Variants in ROPN1L observed in about 807,000 individuals in gnomAD.
ROPN1L encodes ropporin-1-like protein.
Under a neutral mutation model 22.7 loss-of-function variants are expected in ROPN1L, and 23 were observed. The observed-to-expected ratio is 1.01, with a 90% CI of 0.73 to 1.43. The LOEUF (loss-of-function observed/expected upper bound fraction) is 1.43. ROPN1L is among the 40% of genes most tolerant of loss of function. The probability of loss-of-function intolerance (pLI) is 0.00; values close to 1 mark genes in which losing one functional copy is unlikely to be tolerated. For missense variants in ROPN1L, 271 were observed against 291.5 expected, an observed-to-expected ratio of 0.93 and a Z score of 0.51; for synonymous variants, 116 against 117.8, an observed-to-expected ratio of 0.98 and a Z score of 0.10.
At chr5:10,463,537 A>ATTGGGTGCT (rs1735084136) in intron 4 of ROPN1L, among the ~76,000 whole-genome samples, 1 of 152,154 alleles carries the variant, frequency 6.6e-6, no homozygotes, top group Non-Finnish European at 1.5e-5. Context: ...TCCAGCCCCA[A>ATTGGGTGCT]GGGAGATGGG....
chr5:10,472,377 C>CATCA (rs1396714953), downstream of ROPN1L, among the ~76,000 whole-genome samples: 1 of 152,216 alleles, frequency 6.6e-6, no homozygotes, highest in African/African-American at 2.4e-5. Context: ...AGGCTGGGCC[C>CATCA]ATCACAGTGC....
At chr5:10,466,168 C>T (rs1221383007), downstream of ROPN1L, among the ~76,000 whole-genome samples, 2 of 152,212 alleles carry the variant, frequency 1.3e-5, no homozygotes, top group Admixed American at 6.5e-5. Flanking sequence ...GGCTCAGGCC[C>T]TGGAGAAAAC....
intron 4 of ROPN1L, chr5:10,461,570 C>T: frequency 1.9e-6 from 1 of 523,990 alleles, no homozygotes; most frequent in Non-Finnish European, 3.4e-6. Flanking sequence ...GCTGTGCATT[C>T]TCATTCCGTC....
intron 3 of ROPN1L, among the ~76,000 whole-genome samples, chr5:10,452,293 GTGTGTGTGTGTGTGTGTGTGTC>G (rs1451938683): frequency 1.4e-5 from 2 of 142,648 alleles, no homozygotes; most frequent in Non-Finnish European, 3.0e-5. Context: ...GTATATGTGT[GTGTGTGTGTGTGTGTGTGTGTC>G]TGTGTGTGTG....
chr5:10,446,239 G>A (rs1741058882), intron 1 of ROPN1L, among the ~76,000 whole-genome samples: 3 of 152,200 alleles, frequency 2.0e-5, no homozygotes, highest in South Asian at 2.1e-4. Context: ...TTCCAGCCTC[G>A]GCCCTACTGA....
chr5:10,447,989 G>A (rs1579643347), intron 1 of ROPN1L, among the ~76,000 whole-genome samples: 1 of 152,194 alleles, frequency 6.6e-6, no homozygotes, highest in East Asian at 1.9e-4. Context: ...TTCTGCGAGT[G>A]CCAGCCACTG....
At chr5:10,455,196 C>T (rs1046796762) in intron 3 of ROPN1L, among the ~76,000 whole-genome samples, 1 of 152,164 alleles carries the variant, frequency 6.6e-6, no homozygotes, top group Admixed American at 6.5e-5. Context: ...CCTGTTGGTC[C>T]GATGTGACAG....
downstream of ROPN1L, among the ~76,000 whole-genome samples, chr5:10,476,575 C>T (rs114471103): frequency 7.1e-3 from 1,079 of 152,074 alleles, 10 homozygotes; most frequent in African/African-American, 0.024. Flanking sequence ...TGTGGAACAA[C>T]GATGAAAAGA....
intron 1 of ROPN1L, among the ~76,000 whole-genome samples, chr5:10,447,348 C>G (rs1264819779): frequency 6.6e-6 from 1 of 152,160 alleles, no homozygotes; most frequent in Non-Finnish European, 1.5e-5. Context: ...CCAACAGTTT[C>G]CCACTCTTGC....
chr5:10,460,272 A>G (rs957778336), intron 3 of ROPN1L, among the ~76,000 whole-genome samples: 2 of 152,264 alleles, frequency 1.3e-5, no homozygotes, highest in African/African-American at 4.8e-5. Context: ...AAACAAACAC[A>G]CAAACAGCTC....
chr5:10,474,328 C>A (rs11958916), downstream of ROPN1L, among the ~76,000 whole-genome samples: 1 of 152,118 alleles, frequency 6.6e-6, no homozygotes, highest in Non-Finnish European at 1.5e-5. Context: ...AGGTACACAG[C>A]GGGACAGTAC....
At chr5:10,445,514 G>A (rs1741029235) in intron 1 of ROPN1L, among the ~76,000 whole-genome samples, 1 of 152,154 alleles carries the variant, frequency 6.6e-6, no homozygotes, top group Non-Finnish European at 1.5e-5. Context: ...CTTGGGTGGG[G>A]TGGAGAGGAT....
chr5:10,470,605 C>T (rs972600045), intron 4 of ROPN1L, among the ~76,000 whole-genome samples: 1 of 152,208 alleles, frequency 6.6e-6, no homozygotes. Flanking sequence ...ATGCTTTCCC[C>T]GAGGTTGGAG....
chr5:10,457,113 G>A (rs1579651380), intron 3 of ROPN1L, among the ~76,000 whole-genome samples: 1 of 152,218 alleles, frequency 6.6e-6, no homozygotes, highest in Non-Finnish European at 1.5e-5. Flanking sequence ...GAGGAGCCAC[G>A]TGTGCAGTGG....
At chr5:10,447,193 T>C (rs1741095809) in intron 1 of ROPN1L, among the ~76,000 whole-genome samples, 1 of 152,170 alleles carries the variant, frequency 6.6e-6, no homozygotes, top group Non-Finnish European at 1.5e-5. Flanking sequence ...CATGCTAAAG[T>C]CATTAGGGCC....
At chr5:10,482,230 A>C in the ROPN1L span, 3 of 152,014 alleles carry the variant, frequency 2.0e-5, no homozygotes, top group African/African-American at 7.2e-5. Flanking sequence ...TCCGTCAAAA[A>C]AAAAAAAAAA....
chr5:10,464,246 G>A (rs536718364), intron 4 of ROPN1L, among the ~76,000 whole-genome samples: 4 of 152,092 alleles, frequency 2.6e-5, no homozygotes, highest in African/African-American at 9.6e-5. Flanking sequence ...TCCTGTCCTC[G>A]TGGAAGACCG....
rs917908025 is a variant in ROPN1L, at chr5:10,442,371, C to T, written c.131+73C>T. The T allele has an allele frequency of 1.8e-5, 28 of 1,577,906 alleles. No homozygotes were observed. In the African/African-American group the frequency reaches 3.0e-4, roughly 17 times the overall value. ...AGACGAGCCCAGAGAGCCCTCCTCC[C>T]GGACCAGGGGCCTTACGCGGCACTC... is the stretch of plus-strand genomic sequence containing the variant. On this transcript the variant is annotated intron_variant, in intron 1 of 4. Transcript: ENST00000274134.
At chr5:10,461,087 A>G in intron 3 of ROPN1L, 97 bp from the exon 4 acceptor site, 2 of 1,118,302 alleles carry the variant, frequency 1.8e-6, no homozygotes, top group African/African-American at 1.6e-5. Flanking sequence ...AATTTCTGTC[A>G]AATATGCTAG....
Sources: allele counts gnomAD v4.1 joint callset (sites outside exome capture counted in the v4.1 genomes callset), GRCh38; gene constraint gnomAD v4.1.1; transcripts MANE v1.5; gene names NCBI Gene and HGNC (gene_info 2026-07-23, HGNC 2026-07-21).